The following WDR64 variants were observed in gnomAD, a reference collection of about 807,000 sequenced individuals.
The protein encoded by WDR64 is WD repeat-containing protein 64.
Under a neutral mutation model 139.3 loss-of-function variants are expected in WDR64, and 112 were observed. That is an observed-to-expected ratio of 0.80 (90% CI 0.69 to 0.94). WDR64 has a LOEUF of 0.94. Ranked by LOEUF, WDR64 falls within the 40% of genes least tolerant of loss-of-function variation. WDR64 has a pLI of 0.00. For missense variants in WDR64, 1,206 were observed against 1,293.1 expected, an observed-to-expected ratio of 0.93 and a Z score of 1.03; for synonymous variants, 444 against 437.7, an observed-to-expected ratio of 1.01 and a Z score of -0.18.
At chr1:241,713,168 T>G (rs931530887) in intron 9 of WDR64, among the ~76,000 whole-genome samples, 3 of 151,236 alleles carry the variant, frequency 2.0e-5, no homozygotes, top group Non-Finnish European at 4.4e-5. Context: ...AAAAATTAGC[T>G]GAGCATTTGG....
At chr1:241,705,385 C>CA (rs1316663899) in intron 8 of WDR64, among the ~76,000 whole-genome samples, 15 of 150,588 alleles carry the variant, frequency 1.0e-4, no homozygotes, top group South Asian at 2.1e-4. Context: ...ACTGAAAATA[C>CA]AAAAAAAATA....
chr1:241,746,293 G>T (rs1483035316), intron 13 of WDR64, among the ~76,000 whole-genome samples: 1 of 152,126 alleles, frequency 6.6e-6, no homozygotes, highest in Non-Finnish European at 1.5e-5. Flanking sequence ...GAAAAGACCT[G>T]TGGTTCACTG....
chr1:241,785,664 A>G (rs193204116), intron 23 of WDR64, among the ~76,000 whole-genome samples: 2 of 152,292 alleles, frequency 1.3e-5, no homozygotes, highest in Non-Finnish European at 2.9e-5. Flanking sequence ...ATTAATAGCT[A>G]CCTCAGAACA....
At position 241,724,865 on chromosome 1, in the gene WDR64, A is replaced by C. The variant is rs577920351; in HGVS notation, c.1194+1429A>C. On this transcript the variant is annotated intron_variant, in intron 10 of 27. Transcript: ENST00000437684. ...TATGCAACTCATTGATGCTAATAAC[A>C]ACCCTATAAAGTAATTCTCCCCATT... Among the ~76,000 whole-genome samples, 3 of 152,272 alleles carry C rather than the reference A, an allele frequency of 2.0e-5. No homozygotes were observed. In the South Asian group the frequency reaches 6.2e-4, roughly 32 times the overall value.
chr1:241,741,527 A>G lies in WDR64; in HGVS notation c.1333A>G (p.Met445Val), dbSNP rs1196714166. ...TACTTCTGTTCCAGGATCTAGTGTT[A>G]TGGACATGTATCCTTTGACTAGGAT... The part of the protein sequence containing the change: ...HGMLITGSSV[M>V]DMYPLTRMIQ... The change falls in exon 12 of 28, where the codon ATG becomes GTG. Residue 445 changes from methionine (M) to valine (V), a missense_variant. By Grantham distance (21) the Met-to-Val change is conservative. Coordinates refer to ENST00000437684, the MANE Select transcript of WDR64 (RefSeq NM_001367482.1). 6.2e-7 allele frequency: 1 copy of G among 1,607,202 alleles called. No individual in the cohort carries two copies. Among genetic ancestry groups the G allele is most frequent in the Admixed American group, 1.7e-5 (1 of 58,168 alleles).
chr1:241,761,128 T>C (rs1185902165), intron 15 of WDR64, among the ~76,000 whole-genome samples: 1 of 152,170 alleles, frequency 6.6e-6, no homozygotes, highest in Non-Finnish European at 1.5e-5. Flanking sequence ...TATATTATAG[T>C]CAAAACTTTT....
intron 14 of WDR64, among the ~76,000 whole-genome samples, chr1:241,755,776 A>G (rs895613011): frequency 3.3e-5 from 5 of 152,216 alleles, no homozygotes; most frequent in African/African-American, 1.2e-4. Flanking sequence ...TTTTCTGCAT[A>G]TATGGCTAGC....
At chr1:241,709,674 G>A (rs1668087323) in intron 8 of WDR64, among the ~76,000 whole-genome samples, 1 of 152,128 alleles carries the variant, frequency 6.6e-6, no homozygotes, top group Non-Finnish European at 1.5e-5. Flanking sequence ...GAGATACACT[G>A]TAAAAAGTAT....
chr1:241,711,939 CGAGTTTTG>C (rs1668187518), intron 9 of WDR64, 58 bp downstream of exon 9: 1 of 1,536,660 alleles, frequency 6.5e-7, no homozygotes. Flanking sequence ...TCGTTCTCTT[CGAGTTTTG>C]GTGCTAGGAA....
intron 9 of WDR64, among the ~76,000 whole-genome samples, 175 bp from the exon 10 acceptor site, chr1:241,723,122 C>G (rs1668668033): frequency 6.6e-6 from 1 of 152,132 alleles, no homozygotes; most frequent in East Asian, 1.9e-4. Flanking sequence ...CAAGAAGCAG[C>G]AGATCCAAAC....
intron 15 of WDR64, among the ~76,000 whole-genome samples, chr1:241,765,917 C>A (rs1275211405): frequency 6.6e-6 from 1 of 151,948 alleles, no homozygotes; most frequent in Non-Finnish European, 1.5e-5. Context: ...AATATTCTTT[C>A]AACAAGTTTG....
At chr1:241,660,188 G>C (rs60104904) in intron 1 of WDR64, among the ~76,000 whole-genome samples, 9,954 of 152,178 alleles carry the variant, frequency 0.065, 367 homozygotes, top group African/African-American at 0.11. Flanking sequence ...CCCATTGCTT[G>C]TTTTTGTCAG....
intron 1 of WDR64, among the ~76,000 whole-genome samples, 151 bp downstream of exon 1, chr1:241,652,780 C>T (rs1665410506): frequency 1.3e-5 from 2 of 152,266 alleles, no homozygotes; most frequent in South Asian, 4.1e-4. Flanking sequence ...TTTCTCTGTC[C>T]CTAAATAACA....
In WDR64 at chr1:241,674,256, C is replaced by CTTTTTTTTTTTTTTTTTTTTT. The variant is rs544401027; in HGVS notation, c.380-384_380-383insTTTTTTTTTTTTTTTTTTTTT. Among the ~76,000 whole-genome samples, 11 of 121,350 alleles carry CTTTTTTTTTTTTTTTTTTTTT rather than the reference C, an allele frequency of 9.1e-5. 1 individual carries two copies. The highest frequency in any genetic ancestry group is 2.3e-4 in the East Asian group (1 of 4,432). 79.6% of individuals were successfully genotyped at this position (121,350 alleles called of 152,430 possible). On this transcript the variant is annotated intron_variant, in intron 3 of 27. Coordinates refer to ENST00000437684, the MANE Select transcript of WDR64 (RefSeq NM_001367482.1). Reference sequence around the variant, plus strand: ...AAGCTGGCTGTTTATCTTTTTTTTTCTTTTCTTTTTTTTTTTTTTTGAGAC... The same window carrying CTTTTTTTTTTTTTTTTTTTTT: ...AAGCTGGCTGTTTATCTTTTTTTTTCTTTTTTTTTTTTTTTTTTTTTTTTTCTTTTTTTTTTTTTTTGAGAC...
chr1:241,796,444 G>T, intron 27 of WDR64, 74 bp downstream of exon 27: 1 of 999,994 alleles, frequency 1.0e-6, no homozygotes, highest in Non-Finnish European at 1.5e-6. Flanking sequence ...TTAAAAATAT[G>T]TCTCTGCTTT....
chr1:241,714,024 G>A (rs1165573647), intron 9 of WDR64, among the ~76,000 whole-genome samples: 2 of 152,200 alleles, frequency 1.3e-5, no homozygotes, highest in Admixed American at 1.3e-4. Context: ...AATGTCAAGT[G>A]TTGATTGGAC....
At chr1:241,728,165 A>T (rs148770695) in intron 10 of WDR64, among the ~76,000 whole-genome samples, 2,681 of 151,674 alleles carry the variant, frequency 0.018, 80 homozygotes, top group African/African-American at 0.062. Flanking sequence ...GAACCCTGTC[A>T]CTACTAAAAC....
chr1:241,737,192 C>CA (rs759470288), intron 10 of WDR64, among the ~76,000 whole-genome samples: 21 of 152,202 alleles, frequency 1.4e-4, no homozygotes, highest in Non-Finnish European at 2.6e-4. Flanking sequence ...TTCACTAGAA[C>CA]AAAGAAAATA....
chr1:241,771,634 C>CT, intron 18 of WDR64, 27 bp from the exon 19 acceptor site: 1 of 1,465,126 alleles, frequency 6.8e-7, no homozygotes, highest in South Asian at 1.5e-5. Context: ...TCATGGAAGT[C>CT]TTTTCTCTTT....
Sources: allele counts gnomAD v4.1 joint callset (sites outside exome capture counted in the v4.1 genomes callset), GRCh38; gene constraint gnomAD v4.1.1; transcripts MANE v1.5; gene names NCBI Gene and HGNC (gene_info 2026-07-23, HGNC 2026-07-21).